Variants in OVCH2 observed in about 807,000 individuals in gnomAD.
The protein encoded by OVCH2 is ovochymase 2, also known as ovochymase-2.
OVCH2 carries 88 observed loss-of-function variants against 73.7 expected under a neutral mutation model. The observed-to-expected ratio is 1.19, with a 90% CI of 1.01 to 1.43. The LOEUF is 1.43. Among genes scored for constraint, OVCH2 ranks in the 40% most tolerant of loss-of-function variants. OVCH2 has a pLI of 0.00. For synonymous variants in OVCH2, 265 were observed against 234.5 expected (o/e 1.13, Z -1.19); for missense variants, 706 against 674.5 (o/e 1.05, Z -0.52).
At chr11:7,696,320 C>T (rs572004800) in intron 10 of OVCH2, 145 bp downstream of exon 10, 17 of 1,194,040 alleles carry the variant, frequency 1.4e-5, no homozygotes. Flanking sequence ...AGATTTGGTT[C>T]CTTCCCACTC....
Position 7,703,663 on chromosome 11 carries a change from G to A in OVCH2, c.290+35C>T, listed in dbSNP as rs372994762. The A allele has an allele frequency of 1.4e-5, 21 of 1,485,834 alleles. No individual in the cohort carries two copies. In the African/African-American group the frequency reaches 2.8e-4, roughly 20 times the overall value. The allele number at this position is 1,485,834 out of a possible 1,614,324, so 92.0% of individuals were successfully genotyped here. ...TGATTCCAAGGGAGAAGAAATGGTG[G>A]TGTGGTCTTCACTCATGGGCTAGGC... On this transcript the variant is annotated intron_variant, in intron 3 of 15. Transcript: ENST00000533663.
In OVCH2 at chr11:7,698,750, C is replaced by T. The variant is rs776941277; in HGVS notation, c.925G>A (p.Ala309Thr). 1 of 1,612,528 alleles carries T rather than the reference C, an allele frequency of 6.2e-7. No homozygotes were observed. Among genetic ancestry groups the T allele is most frequent in the South Asian group, 1.1e-5 (1 of 90,478 alleles). ...QTGNRRKSSR[A>T]WCSEQDVIVS... is the part of the protein sequence containing the mutation. ...GGAGCAGCCTGCAAGGGATACCCAC[C>T]TCTGGAGCTCTTTCTCCGATTACCT... is the stretch of plus-strand genomic sequence containing the variant. Residue 309 changes from alanine (A) to threonine (T), a missense_variant and splice_region_variant, in exon 8 of 16, where the codon GCC (alanine) becomes ACC (threonine). Coordinates refer to ENST00000533663, the MANE Select transcript of OVCH2 (RefSeq NM_198185.7).
At chr11:7,682,786 G>C in the OVCH2 span, among the ~76,000 whole-genome samples, 1 of 152,202 alleles carries the variant, frequency 6.6e-6, no homozygotes, top group South Asian at 2.1e-4. Flanking sequence ...ACCTTCTCTT[G>C]ACTTCCTTAT....
rs1856183966 is a variant in OVCH2 at position 7,689,758 on chromosome 11, ACT to A, written c.*32-158_*32-157del. On this transcript the variant is annotated intron_variant, in intron 15 of 15. Coordinates refer to ENST00000533663, the MANE Select transcript of OVCH2 (RefSeq NM_198185.7). ...CTAATAACCTCATTTTAACTGATTA[ACT>A]CTGTAACAACCCTATCTCTAAATAA... 11 of 687,950 alleles carry A rather than the reference ACT, an allele frequency of 1.6e-5. No individual in the cohort carries two copies. The Admixed American group carries it at 1.6e-4, about 10-fold the overall frequency. The allele number at this position is 687,950 out of a possible 1,614,324, so 42.6% of individuals were successfully genotyped here.
chr11:7,693,452 ATGATGCTG>A (rs1333250159), intron 12 of OVCH2, among the ~76,000 whole-genome samples: 1 of 152,212 alleles, frequency 6.6e-6, no homozygotes, highest in African/African-American at 2.4e-5. Flanking sequence ...GTTCTGCAAA[ATGATGCTG>A]TCACTGGCAG....
Position 7,702,301 on chromosome 11 carries a change from C to G in OVCH2, c.319G>C (p.Ala107Pro). Reference protein sequence around the residue: ...RNIVSTLNVTAGEYDLSQTDP... With the variant: ...RNIVSTLNVTPGEYDLSQTDP... Reference sequence around the variant, plus strand: ...GTCTGGCTTAAGTCATACTCTCCAGCAGTAACATTCAAAGTAGACACAATG... The same window carrying G: ...GTCTGGCTTAAGTCATACTCTCCAGGAGTAACATTCAAAGTAGACACAATG... The change falls in exon 4 of 16, where the codon GCT becomes CCT. Residue 107 changes from alanine to proline, a missense_variant. Physicochemically the swap from Ala to Pro is conservative, Grantham distance 27 (BLOSUM62 -1). Coordinates refer to ENST00000533663, the MANE Select transcript of OVCH2 (RefSeq NM_198185.7). 1.3e-6 allele frequency: 2 copies of G among 1,598,914 alleles called. No individual in the cohort carries two copies. The highest frequency in any genetic ancestry group is 1.7e-6 in the Non-Finnish European group (2 of 1,175,746).
At chr11:7,699,570 T>A (rs1220961709) in intron 7 of OVCH2, 1 of 152,232 alleles carries the variant, frequency 6.6e-6, no homozygotes, top group African/African-American at 2.4e-5. Context: ...TGTACTGTTA[T>A]TTTTATTGTT....
intron 12 of OVCH2, among the ~76,000 whole-genome samples, chr11:7,694,627 G>A (rs1339201573): frequency 7.7e-5 from 2 of 26,128 alleles, no homozygotes; most frequent in Admixed American, 4.3e-4. Context: ...GTTTTGTTTT[G>A]TTTTGTGTTT....
the OVCH2 span, among the ~76,000 whole-genome samples, chr11:7,683,089 G>T: frequency 0.038 from 5,767 of 152,216 alleles, 147 homozygotes; most frequent in African/African-American, 0.077. Context: ...TGGTGATTTT[G>T]TCCTGCATCC....
At chr11:7,699,915 T>C (rs766826608) in intron 7 of OVCH2, 1 of 165,436 alleles carries the variant, frequency 6.0e-6, no homozygotes, top group Non-Finnish European at 1.3e-5. Flanking sequence ...GGTTGATAAC[T>C]ACTGATCTGT....
At chr11:7,681,144 C>T in the OVCH2 span, among the ~76,000 whole-genome samples, 280 of 152,340 alleles carry the variant, frequency 1.8e-3, 12 homozygotes, top group East Asian at 0.05. Flanking sequence ...GTACAGTTGA[C>T]TGGGCTGAGC....
intron 14 of OVCH2, 45 bp from the exon 15 acceptor site, chr11:7,690,058 C>A: frequency 7.6e-7 from 1 of 1,310,282 alleles, no homozygotes; most frequent in Non-Finnish European, 1.1e-6. Flanking sequence ...ACAAAGACAG[C>A]CAGGGTTGGA....
rs114540762 is a variant in OVCH2 at position 7,703,889 on chromosome 11, C to T, written c.199-100G>A. 851 of 895,678 alleles carry T rather than the reference C, an allele frequency of 9.5e-4. 3 individuals are homozygous for T. In the African/African-American group the frequency reaches 0.013, roughly 13 times the overall value. 55.5% of individuals were successfully genotyped at this position (895,678 alleles called of 1,614,324 possible). ...CTCAAAACCAGACTCAGATATCACA[C>T]TCGTAAATGTCAAGAATCGTGGACT... On this transcript the variant is annotated intron_variant, in intron 2 of 15. Transcript: ENST00000533663.
In OVCH2 at chr11:7,701,776, G is replaced by A. The variant is rs550450830; in HGVS notation, c.499C>T (p.Arg167Trp). The A allele has an allele frequency of 3.2e-5, 52 of 1,612,262 alleles. No individual in the cohort carries two copies. The highest frequency in any genetic ancestry group is 2.0e-4 in the South Asian group (18 of 90,540). Residue 167 changes from arginine to tryptophan, a missense_variant, in exon 5 of 16, where the codon CGG becomes TGG. Transcript: ENST00000533663. ...ATAAAACCAGCCTCAAATTGCTCCC[G>A]CAGCTCTGGAAGACATATGGGCCCC... Reference protein sequence around the residue: ...FVGPICLPELREQFEAGFICT... With the variant: ...FVGPICLPELWEQFEAGFICT...
chr11:7,685,154 G>T (rs1209430939), downstream of OVCH2, among the ~76,000 whole-genome samples: 1 of 152,146 alleles, frequency 6.6e-6, no homozygotes, highest in East Asian at 1.9e-4. Context: ...GTAGGAGAGT[G>T]GGGGCACACA....
chr11:7,681,689 G>GAA, the OVCH2 span, among the ~76,000 whole-genome samples: 1 of 152,212 alleles, frequency 6.6e-6, no homozygotes, highest in Non-Finnish European at 1.5e-5. Context: ...CCTCCAGAAG[G>GAA]AATTGCTTGT....
chr11:7,694,094 C>A (rs1006073039), intron 12 of OVCH2, among the ~76,000 whole-genome samples: 2 of 152,142 alleles, frequency 1.3e-5, no homozygotes, highest in African/African-American at 4.8e-5. Flanking sequence ...GTCTCATCAT[C>A]CCTCACTCCT....
intron 12 of OVCH2, 36 bp from the exon 13 acceptor site, chr11:7,692,031 T>C (rs1565166201): frequency 7.1e-7 from 1 of 1,415,950 alleles, no homozygotes; most frequent in Non-Finnish European, 9.7e-7. Context: ...GAGTAAACAA[T>C]CTGAATGAAT....
chr11:7,692,079 C>T (rs1211730489), intron 12 of OVCH2, 84 bp from the exon 13 acceptor site: 1 of 991,726 alleles, frequency 1.0e-6, no homozygotes, highest in Non-Finnish European at 1.5e-6. Flanking sequence ...TTGGATTGCT[C>T]AACTTGTTCT....
Sources: allele counts gnomAD v4.1 joint callset (sites outside exome capture counted in the v4.1 genomes callset), GRCh38; gene constraint gnomAD v4.1.1; transcripts MANE v1.5; gene names NCBI Gene and HGNC (gene_info 2026-07-23, HGNC 2026-07-21).